Variants in DNAH5 observed in about 807,000 individuals in gnomAD.
DNAH5 encodes dynein axonemal heavy chain 5, also known as axonemal beta dynein heavy chain 5.
In DNAH5, 372 loss-of-function variants were observed where a neutral mutation model predicts 518.2. The ratio of observed to expected loss-of-function variants is 0.72; its 90% CI spans 0.66 to 0.78. The LOEUF (loss-of-function observed/expected upper bound fraction) is 0.78, where lower values mean the gene tolerates loss of function less well. Ranked by LOEUF, DNAH5 falls within the 30% of genes least tolerant of loss-of-function variation. The pLI is 0.00. For missense variants in DNAH5, 5,523 were observed against 5,687.0 expected (o/e 0.97, Z 0.93); for synonymous variants, 2,039 against 2,025.9 (o/e 1.01, Z -0.17).
At chr5:13,783,691 T>C (rs767194487) in intron 52 of DNAH5, among the ~76,000 whole-genome samples, 35 of 152,048 alleles carry the variant, frequency 2.3e-4, no homozygotes, top group Admixed American at 4.6e-4. Context: ...TGAAAGAAAA[T>C]TGAGTTTCTA....
intron 1 of DNAH5, among the ~76,000 whole-genome samples, chr5:13,953,090 AT>A (rs1445004615): frequency 6.6e-6 from 1 of 152,226 alleles, no homozygotes; most frequent in Non-Finnish European, 1.5e-5. Context: ...CATAAACTTC[AT>A]TTCTCATACA....
At chr5:13,818,524 G>T (rs1475552074) in intron 41 of DNAH5, among the ~76,000 whole-genome samples, 1 of 152,202 alleles carries the variant, frequency 6.6e-6, no homozygotes, top group African/African-American at 2.4e-5. Flanking sequence ...TACTGACACA[G>T]ACTCTTTTTT....
intron 1 of DNAH5, among the ~76,000 whole-genome samples, chr5:13,964,311 G>A (rs112661589): frequency 3.9e-5 from 6 of 152,208 alleles, no homozygotes; most frequent in South Asian, 4.2e-4. Flanking sequence ...GCTCCTCCAC[G>A]GTTGCAAGTG....
chr5:13,844,757 C>T (rs761435772), intron 32 of DNAH5, 80 bp downstream of exon 32: 1 of 1,583,062 alleles, frequency 6.3e-7, no homozygotes, highest in Non-Finnish European at 8.7e-7. Context: ...TGTTATAAAC[C>T]CGTTTTCGAA....
chr5:13,782,824 T>C (rs564912143), intron 52 of DNAH5, among the ~76,000 whole-genome samples: 1 of 152,344 alleles, frequency 6.6e-6, no homozygotes, highest in East Asian at 1.9e-4. Flanking sequence ...CAAAACCTCA[T>C]AATCTAGTTA....
intron 1 of DNAH5, among the ~76,000 whole-genome samples, chr5:14,011,420 C>A (rs2152092664): frequency 6.6e-6 from 1 of 152,226 alleles, no homozygotes; most frequent in East Asian, 1.9e-4. Flanking sequence ...CAACTACCCC[C>A]TGAGGAAAAA....
chr5:13,714,655 C>T, intron 74 of DNAH5, 35 bp from the exon 75 acceptor site: 1 of 1,599,410 alleles, frequency 6.3e-7, no homozygotes, highest in Non-Finnish European at 8.6e-7. Context: ...GCACAGACTG[C>T]CAACATAAGC....
At chr5:14,010,341 G>A (rs1471571435) in intron 1 of DNAH5, among the ~76,000 whole-genome samples, 1 of 152,150 alleles carries the variant, frequency 6.6e-6, no homozygotes, top group East Asian at 1.9e-4. Flanking sequence ...TAGAGGCAAA[G>A]AGCATAGCGC....
chr5:13,807,958 GGTAGCTCACACCT>G (rs1309354741), intron 46 of DNAH5, among the ~76,000 whole-genome samples: 1 of 152,012 alleles, frequency 6.6e-6, no homozygotes, highest in Non-Finnish European at 1.5e-5. Flanking sequence ...GGCCAGGTGT[GGTAGCTCACACCT>G]GTAATCCCAG....
intron 17 of DNAH5, 37 bp downstream of exon 17, chr5:13,890,939 A>T: frequency 6.2e-7 from 1 of 1,612,760 alleles, no homozygotes; most frequent in Non-Finnish European, 8.5e-7. Context: ...ATGAATCACC[A>T]AAAACCTTAA....
intron 59 of DNAH5, among the ~76,000 whole-genome samples, chr5:13,765,420 A>G (rs1752387038): frequency 6.6e-6 from 1 of 152,234 alleles, no homozygotes; most frequent in African/African-American, 2.4e-5. Context: ...GCAAATTTCA[A>G]AACAGGCAAA....
chr5:13,976,802 C>T (rs917507290), intron 1 of DNAH5, among the ~76,000 whole-genome samples: 11 of 151,658 alleles, frequency 7.3e-5, no homozygotes, highest in Admixed American at 3.9e-4. Context: ...AATACATTCC[C>T]GGAGGATAAG....
intron 1 of DNAH5, among the ~76,000 whole-genome samples, chr5:13,962,834 G>C (rs1781272285): frequency 6.6e-6 from 1 of 152,168 alleles, no homozygotes; most frequent in Admixed American, 6.5e-5. Context: ...ACAAAATTTG[G>C]TCAGGGAAGG....
chr5:13,922,711 G>A (rs1777445297), intron 4 of DNAH5, among the ~76,000 whole-genome samples: 1 of 129,412 alleles, frequency 7.7e-6, no homozygotes, highest in Non-Finnish European at 1.5e-5. Context: ...CTGGGTGACA[G>A]AGCAAGACCC....
At chr5:13,935,947 G>A (rs115266244) in intron 1 of DNAH5, among the ~76,000 whole-genome samples, 2,335 of 152,262 alleles carry the variant, frequency 0.015, 62 homozygotes, top group African/African-American at 0.054. Flanking sequence ...CAGTGAATAG[G>A]GGTGGGGAAC....
chr5:13,920,658 T>C (rs1044179449), intron 5 of DNAH5, 41 bp from the exon 6 acceptor site: 1 of 1,610,744 alleles, frequency 6.2e-7, no homozygotes, highest in Non-Finnish European at 8.5e-7. Flanking sequence ...GATGCTTTTG[T>C]AAAACACACA....
chr5:14,002,754 T>A (rs1203628904), intron 1 of DNAH5, among the ~76,000 whole-genome samples: 1 of 152,040 alleles, frequency 6.6e-6, no homozygotes, highest in Non-Finnish European at 1.5e-5. Flanking sequence ...TTTACTTTTT[T>A]AAAAAGATTT....
At chr5:13,735,107 T>C in intron 68 of DNAH5, 24 bp downstream of exon 68, 3 of 1,611,022 alleles carry the variant, frequency 1.9e-6, no homozygotes, top group Non-Finnish European at 2.5e-6. Flanking sequence ...ACCTGTGCGC[T>C]ATAGTCTCTA....
Position 13,890,399 on chromosome 5 carries a change from T to A in DNAH5, c.2577+577A>T, listed in dbSNP as rs112758764. On this transcript the variant is annotated intron_variant, in intron 17 of 78. Coordinates refer to ENST00000265104, the MANE Select transcript of DNAH5 (RefSeq NM_001369.3). ...TCCAGCCTGGGCAACAGAGCAAGAC[T>A]CCATCTCAAAAAAAAAAAAAAAGGT... Among the ~76,000 whole-genome samples the A allele has an allele frequency of 1.3e-3, 155 of 118,140 alleles. 1 individual carries two copies. The highest frequency in any genetic ancestry group is 4.6e-3 in the African/African-American group (145 of 31,586). 77.5% of individuals were successfully genotyped at this position (118,140 alleles called of 152,430 possible).
Sources: allele counts gnomAD v4.1 joint callset (sites outside exome capture counted in the v4.1 genomes callset), GRCh38; gene constraint gnomAD v4.1.1; transcripts MANE v1.5; gene names NCBI Gene and HGNC (gene_info 2026-07-23, HGNC 2026-07-21).